Variants in CXCR2 observed in about 807,000 individuals in gnomAD.
CXCR2 encodes the protein C-X-C chemokine receptor type 2.
A neutral mutation model predicts 3.7 loss-of-function variants in CXCR2; 2 were observed. The ratio of observed to expected loss-of-function variants is 0.55; its 90% CI spans 0.22 to 1.72. The LOEUF (loss-of-function observed/expected upper bound fraction) is 1.72. Among genes scored for constraint, CXCR2 ranks in the 40% most tolerant of loss-of-function variants. The pLI is 0.19. For missense variants in CXCR2, 351 were observed against 450.1 expected, an observed-to-expected ratio of 0.78 and a Z score of 1.99; for synonymous variants, 203 against 193.3, an observed-to-expected ratio of 1.05 and a Z score of -0.41.
intron 2 of CXCR2, among the ~76,000 whole-genome samples, chr2:218,129,943 T>C (rs1690602318): frequency 6.6e-6 from 1 of 152,162 alleles, no homozygotes; most frequent in Non-Finnish European, 1.5e-5. Flanking sequence ...GGAAGCTCCC[T>C]TTTTATCCTG....
intron 1 of CXCR2, among the ~76,000 whole-genome samples, chr2:218,128,775 G>A (rs1304882135): frequency 6.6e-6 from 1 of 152,188 alleles, no homozygotes. Context: ...GATGGTTGGG[G>A]AGTGAGGGGA....
intron 1 of CXCR2, among the ~76,000 whole-genome samples, chr2:218,127,149 CAG>C (rs1230974535): frequency 6.6e-5 from 10 of 152,274 alleles, no homozygotes; most frequent in African/African-American, 2.4e-4. Context: ...TTGTTTGAGA[CAG>C]GGTTTTGCTC....
chr2:218,130,235 A>G (rs1690608937), intron 2 of CXCR2, among the ~76,000 whole-genome samples: 1 of 152,114 alleles, frequency 6.6e-6, no homozygotes, highest in Non-Finnish European at 1.5e-5. Flanking sequence ...AGCCCGACCA[A>G]CATAGTGAAA....
chr2:218,132,908 G>A (rs1490878259), intron 2 of CXCR2, among the ~76,000 whole-genome samples: 2 of 152,178 alleles, frequency 1.3e-5, no homozygotes, highest in Non-Finnish European at 2.9e-5. Context: ...GGGGTTTGCT[G>A]GTTCATGTGG....
chr2:218,127,474 A>G (rs1318165953), intron 1 of CXCR2, among the ~76,000 whole-genome samples: 1 of 152,154 alleles, frequency 6.6e-6, no homozygotes, highest in Admixed American at 6.5e-5. Flanking sequence ...AGTGATCTCC[A>G]TGGAAATGAA....
In CXCR2 at chr2:218,129,314, G is replaced by T. The variant is rs1690584932; in HGVS notation, c.-77G>T. On this transcript the variant is annotated splice_region_variant and 5_prime_UTR_variant, in exon 2 of 3. Transcript: ENST00000318507. ...TCTCACCACCACCTCCCTTTCATAG[G>T]TCACAGCTGCTCTTCTGGAGGTGTC... The T allele has an allele frequency of 6.6e-6, 1 of 152,258 alleles. No individual in the cohort carries two copies. Among genetic ancestry groups the T allele is most frequent in the Non-Finnish European group, 1.5e-5 (1 of 68,058 alleles). The allele number at this position is 152,258 out of a possible 1,614,324, so 9.4% of individuals were successfully genotyped here. A position where few individuals can be genotyped will look rare whatever the true frequency, so the allele number is the denominator to read the frequency against.
At chr2:218,126,010 T>C (rs1169316874), upstream of CXCR2, 2 of 152,114 alleles carry the variant, frequency 1.3e-5, no homozygotes, top group African/African-American at 2.4e-5. Context: ...AAAAAGGAAG[T>C]GCAGGTTCAA....
rs1273393231 is a variant in CXCR2 at position 218,136,892 on chromosome 2, T to C, written c.*1008T>C. On this transcript the variant is annotated 3_prime_UTR_variant, in exon 3 of 3. Coordinates refer to ENST00000318507, the MANE Select transcript of CXCR2 (RefSeq NM_001557.4). ...ATGAGGTACTGAGAGTGAACAAATTTACAGAGACAGAAAGCAGAACAGTGA... is the reference window on the plus strand; with the variant it reads ...ATGAGGTACTGAGAGTGAACAAATTCACAGAGACAGAAAGCAGAACAGTGA... 6.0e-6 allele frequency: 1 copy of C among 167,236 alleles called. No individual in the cohort carries two copies. The highest frequency in any genetic ancestry group is 6.5e-5 in the Admixed American group (1 of 15,280). 10.4% of individuals were successfully genotyped at this position (167,236 alleles called of 1,614,324 possible).
intron 1 of CXCR2, among the ~76,000 whole-genome samples, chr2:218,128,412 G>A (rs1690560623): frequency 6.6e-6 from 1 of 152,224 alleles, no homozygotes; most frequent in Admixed American, 6.5e-5. Context: ...TGGGATGCAT[G>A]GAGCAAGAGA....
Position 218,134,964 on chromosome 2 carries a change from T to C in CXCR2, c.163T>C (p.Tyr55His). The change falls in exon 3 of 3, where the codon TAT becomes CAT. Residue 55 changes from tyrosine (Y) to histidine (H), a missense_variant. By Grantham distance (83) the Tyr-to-His change is moderately conservative. Coordinates refer to ENST00000318507, the MANE Select transcript of CXCR2 (RefSeq NM_001557.4). ...EINKYFVVII[Y>H]ALVFLLSLLG... The stretch of plus-strand genomic sequence containing the variant: ...CAACAAGTATTTTGTGGTCATTATC[T>C]ATGCCCTGGTATTCCTGCTGAGCCT... 2 of 1,614,230 alleles carry C rather than the reference T, an allele frequency of 1.2e-6. No homozygotes were observed. Among genetic ancestry groups the C allele is most frequent in the Non-Finnish European group, 1.7e-6 (2 of 1,180,046 alleles).
chr2:218,132,497 G>A (rs1305799623), intron 2 of CXCR2, among the ~76,000 whole-genome samples: 1 of 152,168 alleles, frequency 6.6e-6, no homozygotes, highest in Non-Finnish European at 1.5e-5. Flanking sequence ...GCTTAACAAT[G>A]CGGATGCATT....
chr2:218,131,905 G>A (rs1690657090), intron 2 of CXCR2, among the ~76,000 whole-genome samples: 1 of 151,862 alleles, frequency 6.6e-6, no homozygotes. Context: ...GAAGGTGATG[G>A]CTAAGAATTC....
Position 218,134,878 on chromosome 2 carries a change from G to A in CXCR2, c.77G>A (p.Ser26Asn). Reference sequence around the variant, plus strand: ...GAAGATCTTAGTAATTACAGTTACAGCTCTACCCTGCCCCCTTTTCTACTA... The same window carrying A: ...GAAGATCTTAGTAATTACAGTTACAACTCTACCCTGCCCCCTTTTCTACTA... ...KGEDLSNYSY[S>N]STLPPFLLDA... The change falls in exon 3 of 3, where the codon AGC (serine) becomes AAC (asparagine). Residue 26 changes from serine (S) to asparagine (N), a missense_variant. Transcript: ENST00000318507. 1 of 1,614,118 alleles carries A rather than the reference G, an allele frequency of 6.2e-7. No individual in the cohort carries two copies. Among genetic ancestry groups the A allele is most frequent in the Non-Finnish European group, 8.5e-7 (1 of 1,180,026 alleles).
chr2:218,129,103 A>G (rs544212469), intron 1 of CXCR2, among the ~76,000 whole-genome samples: 1 of 152,188 alleles, frequency 6.6e-6, no homozygotes, highest in Non-Finnish European at 1.5e-5. Context: ...AAATGGAAAG[A>G]CTAGGTAGAA....
At chr2:218,126,660 C>CT (rs1324552617) in intron 1 of CXCR2, among the ~76,000 whole-genome samples, 2 of 151,744 alleles carry the variant, frequency 1.3e-5, no homozygotes, top group Non-Finnish European at 2.9e-5. Context: ...TTTATTTTTT[C>CT]TTTTTTGAGA....
Position 218,135,500 on chromosome 2 carries a change from C to T in CXCR2, c.699C>T (p.Phe233=). 1 of 1,614,184 alleles carries T rather than the reference C, an allele frequency of 6.2e-7. No individual in the cohort carries two copies. The highest frequency in any genetic ancestry group is 8.5e-7 in the Non-Finnish European group (1 of 1,180,028). Reference sequence around the variant, plus strand: ...TGATCATGCTGTTCTGCTACGGATTCACCCTGCGTACGCTGTTTAAGGCCC... The same window carrying T: ...TGATCATGCTGTTCTGCTACGGATTTACCCTGCGTACGCTGTTTAAGGCCC... ...PLLIMLFCYG[F]TLRTLFKAHM... is the part of the protein sequence containing the mutation. The change falls in exon 3 of 3, where the codon TTC becomes TTT. Residue 233 remains phenylalanine (F), a synonymous_variant. Transcript: ENST00000318507. This position sits in a 1 kb window ranked among gnomAD's most constrained non-coding sequence, Gnocchi z 4.0.
chr2:218,133,975 T>C (rs1179165114), intron 2 of CXCR2, among the ~76,000 whole-genome samples: 1 of 152,176 alleles, frequency 6.6e-6, no homozygotes. Context: ...TAATATACTT[T>C]TCCAAACTAC....
Position 218,135,737 on chromosome 2 carries a change from C to T in CXCR2, c.936C>T (p.Leu312=), listed in dbSNP as rs45606837. The change falls in exon 3 of 3, where the codon CTC becomes CTT. Residue 312 remains leucine, a synonymous_variant. Coordinates refer to ENST00000318507, the MANE Select transcript of CXCR2 (RefSeq NM_001557.4). The surrounding 1 kb of genome is among the most constrained non-coding windows in gnomAD (Gnocchi z 4.0). ...TCCTTCACAGCTGCCTCAACCCCCT[C>T]ATCTACGCCTTCATTGGCCAGAAGT... ...LGILHSCLNP[L]IYAFIGQKFR... 0.012 allele frequency: 19,998 copies of T among 1,614,158 alleles called. 217 individuals are homozygous for T. The highest frequency in any genetic ancestry group is 0.034 in the South Asian group (3,088 of 91,074).
chr2:218,136,444 T>C lies in CXCR2; in HGVS notation c.*560T>C, dbSNP rs200999393. 6.0e-6 allele frequency: 1 copy of C among 167,704 alleles called. No homozygotes were observed. Among genetic ancestry groups the C allele is most frequent in the Non-Finnish European group, 1.5e-5 (1 of 68,726 alleles). 10.4% of individuals were successfully genotyped at this position (167,704 alleles called of 1,614,324 possible). On this transcript the variant is annotated 3_prime_UTR_variant, in exon 3 of 3. Coordinates refer to ENST00000318507, the MANE Select transcript of CXCR2 (RefSeq NM_001557.4). ...GAGACTCTGTCTCAGTCCATGAAGA[T>C]GTAGAGGAGAAACTGGAACTCTCGA...
Sources: allele counts gnomAD v4.1 joint callset (sites outside exome capture counted in the v4.1 genomes callset), GRCh38; gene constraint gnomAD v4.1.1; non-coding constraint Gnocchi (gnomAD v3.1); transcripts MANE v1.5; gene names NCBI Gene and HGNC (gene_info 2026-07-23, HGNC 2026-07-21).